LRPPRC: variants seen among roughly 807,000 people sequenced by gnomAD.
The protein encoded by LRPPRC is leucine-rich PPR motif-containing protein, mitochondrial.
In LRPPRC, 120 loss-of-function variants were observed where a neutral mutation model predicts 180.3. That is an observed-to-expected ratio of 0.67 (90% confidence interval 0.57 to 0.77). LRPPRC has a LOEUF of 0.77. Ranked by LOEUF, LRPPRC falls within the 30% of genes least tolerant of loss-of-function variation. The pLI, the probability that LRPPRC is intolerant of heterozygous loss-of-function variation, is 0.00. For synonymous variants in LRPPRC, 723 were observed against 600.0 expected, an observed-to-expected ratio of 1.21 and a Z score of -3.00; for missense variants, 2,012 against 1,657.2, an observed-to-expected ratio of 1.21 and a Z score of -3.72.
chr2:43,909,172 A>G (rs1218661990), intron 30 of LRPPRC, among the ~76,000 whole-genome samples: 1 of 152,244 alleles, frequency 6.6e-6, no homozygotes, highest in African/African-American at 2.4e-5. Context: ...TTTTCAGTCC[A>G]GCATTATTTT....
intron 34 of LRPPRC, among the ~76,000 whole-genome samples, chr2:43,898,383 T>C (rs1173944319): frequency 6.6e-6 from 1 of 152,196 alleles, no homozygotes; most frequent in East Asian, 1.9e-4. Context: ...GGGAATATAA[T>C]ACTATTTACG....
chr2:43,898,836 C>T lies in LRPPRC; in HGVS notation c.3825+383G>A, dbSNP rs1246894257. Among the ~76,000 whole-genome samples the T allele has an allele frequency of 4.6e-5, 7 of 152,108 alleles. No individual in the cohort carries two copies. In the South Asian group the frequency reaches 6.2e-4, roughly 14 times the overall value. ...TTTGCAAACTGTGTTGCCATGGTGA[C>T]GCACAGTATCTAGCGCATTTGAGAA... On this transcript the variant is annotated intron_variant, in intron 34 of 37. Coordinates refer to ENST00000260665, the MANE Select transcript of LRPPRC (RefSeq NM_133259.4).
In LRPPRC at chr2:43,918,332, G is replaced by C; in HGVS notation, c.2963C>G (p.Pro988Arg). Residue 988 changes from proline to arginine, a missense_variant, in exon 28 of 38, where the codon CCT becomes CGT. Physicochemically the swap from Pro to Arg is moderately radical, Grantham distance 103 (BLOSUM62 -2). Coordinates refer to ENST00000260665, the MANE Select transcript of LRPPRC (RefSeq NM_133259.4). ...WNKIQEENVI[P>R]REKTLRLLAE... is the part of the protein sequence containing the mutation. ...TAATAATCTTAATGTCTTTTCACGA[G>C]GAATAACATTTTCTTCTTGGATTTT... 6.2e-7 allele frequency: 1 copy of C among 1,609,572 alleles called. No homozygotes were observed. The highest frequency in any genetic ancestry group is 8.5e-7 in the Non-Finnish European group (1 of 1,176,008).
Position 43,963,818 on chromosome 2 carries a change from G to A in LRPPRC, c.1370-112C>T, listed in dbSNP as rs1009229936. Reference sequence around the variant, plus strand: ...AATCACAGTATAAGAAAATTACTCAGCAATTCGTTTGTCTAAAAGGCAGAA... The same window carrying A: ...AATCACAGTATAAGAAAATTACTCAACAATTCGTTTGTCTAAAAGGCAGAA... On this transcript the variant is annotated intron_variant, in intron 11 of 37. Transcript: ENST00000260665. 9 of 766,134 alleles carry A rather than the reference G, an allele frequency of 1.2e-5. 1 individual carries two copies. Among genetic ancestry groups the A allele is most frequent in the Middle Eastern group, 6.8e-4 (2 of 2,932 alleles). 47.5% of individuals were successfully genotyped at this position (766,134 alleles called of 1,614,324 possible).
At chr2:43,918,786 TATATAGATATATATATATATATAG>T (rs1671575306) in intron 27 of LRPPRC, among the ~76,000 whole-genome samples, 1 of 34,532 alleles carries the variant, frequency 2.9e-5, no homozygotes, top group Admixed American at 4.1e-4. Flanking sequence ...AATATATATA[TATATAGATATATATATATATATAG>T]ATATATATAT....
intron 34 of LRPPRC, among the ~76,000 whole-genome samples, chr2:43,897,004 AAG>A (rs1050520521): frequency 6.6e-6 from 1 of 152,236 alleles, no homozygotes; most frequent in Non-Finnish European, 1.5e-5. Context: ...ACTGCAAAGA[AAG>A]AGGAAAAAAA....
chr2:43,974,894 G>C, intron 7 of LRPPRC, 136 bp from the exon 8 acceptor site: 1 of 995,724 alleles, frequency 1.0e-6, no homozygotes, highest in Admixed American at 2.1e-5. Context: ...TAAAAAACAG[G>C]AAATACTCTA....
At chr2:43,995,009 G>C (rs1674961695) in intron 1 of LRPPRC, among the ~76,000 whole-genome samples, 1 of 152,222 alleles carries the variant, frequency 6.6e-6, no homozygotes. Flanking sequence ...GGGAGGCCGA[G>C]GCAGGAGGAT....
At chr2:43,918,688 T>A (rs1321306508) in intron 27 of LRPPRC, among the ~76,000 whole-genome samples, 1 of 151,542 alleles carries the variant, frequency 6.6e-6, no homozygotes, top group Non-Finnish European at 1.5e-5. Flanking sequence ...GTCTTTTTAA[T>A]GTTACTGAGA....
In LRPPRC at chr2:43,974,806, T is replaced by G. The variant is rs1363486314; in HGVS notation, c.865-48A>C. ...GAAGACAAAGTTAGAGTGTTTTTATTTAAGTATTAAAGCTAAATAAAATAT... is the reference window on the plus strand; with the variant it reads ...GAAGACAAAGTTAGAGTGTTTTTATGTAAGTATTAAAGCTAAATAAAATAT... On this transcript the variant is annotated intron_variant, in intron 7 of 37. Transcript: ENST00000260665. 7.0e-6 allele frequency: 11 copies of G among 1,563,524 alleles called. No homozygotes were observed. The African/African-American group carries it at 1.1e-4, about 15-fold the overall frequency.
chr2:43,926,872 A>C (rs530237249), intron 25 of LRPPRC, among the ~76,000 whole-genome samples: 2 of 152,248 alleles, frequency 1.3e-5, no homozygotes, highest in Non-Finnish European at 2.9e-5. Context: ...CTAGCACCTA[A>C]AACTAAATGT....
rs1672853895 is a variant in LRPPRC, at chr2:43,950,400, A to T, written c.1677+173T>A. ...CTCCCATTGGATTCTTATCAATTGG[A>T]TTCACAAACACTAAAAGACACACAT... On this transcript the variant is annotated intron_variant, in intron 15 of 37. Coordinates refer to ENST00000260665, the MANE Select transcript of LRPPRC (RefSeq NM_133259.4). Among the ~76,000 whole-genome samples the T allele has an allele frequency of 2.0e-5, 3 of 152,130 alleles. No homozygotes were observed. The South Asian group carries it at 6.2e-4, about 32-fold the overall frequency.
intron 3 of LRPPRC, among the ~76,000 whole-genome samples, chr2:43,978,660 T>A (rs1047338205): frequency 6.6e-6 from 1 of 152,102 alleles, no homozygotes; most frequent in African/African-American, 2.4e-5. Context: ...AACATTTATC[T>A]ATATAGTTTT....
intron 14 of LRPPRC, among the ~76,000 whole-genome samples, chr2:43,955,040 C>T (rs112691739): frequency 9.5e-4 from 144 of 152,158 alleles, no homozygotes; most frequent in African/African-American, 3.0e-3. Context: ...TTCCACGATA[C>T]GGGTTTTTAT....
At chr2:43,975,352 G>A (rs1674007054) in intron 6 of LRPPRC, 135 bp from the exon 7 acceptor site, 3 of 685,418 alleles carry the variant, frequency 4.4e-6, no homozygotes, top group Non-Finnish European at 7.6e-6. Context: ...AAGAACTAAT[G>A]TATATTAAAC....
chr2:43,977,894 G>C (rs915685566), intron 3 of LRPPRC, among the ~76,000 whole-genome samples: 2 of 152,166 alleles, frequency 1.3e-5, no homozygotes, highest in African/African-American at 4.8e-5. Context: ...TCAATTTTGT[G>C]GTAACATGTC....
intron 2 of LRPPRC, among the ~76,000 whole-genome samples, chr2:43,980,777 T>C (rs1385482917): frequency 6.6e-6 from 1 of 152,170 alleles, no homozygotes; most frequent in Non-Finnish European, 1.5e-5. Flanking sequence ...TCCATTTATA[T>C]GAAATATCTA....
chr2:43,985,152 A>T (rs1674474927), intron 1 of LRPPRC, among the ~76,000 whole-genome samples: 1 of 151,974 alleles, frequency 6.6e-6, no homozygotes, highest in African/African-American at 2.4e-5. Flanking sequence ...CATTTTTTTA[A>T]AAAATAAACA....
At chr2:43,915,224 TCTCTCTCTCACACACACACA>T (rs1219995641) in intron 29 of LRPPRC, among the ~76,000 whole-genome samples, 4 of 99,590 alleles carry the variant, frequency 4.0e-5, no homozygotes, top group African/African-American at 1.9e-4. Flanking sequence ...TCTCTCTCTC[TCTCTCTCTCACACACACACA>T]CACACACACA....
Sources: gnomAD v4.1 joint callset for allele counts (sites outside exome capture counted in the v4.1 genomes callset) on GRCh38, gnomAD v4.1.1 for gene constraint, MANE v1.5 for transcripts, NCBI Gene and HGNC (gene_info 2026-07-23, HGNC 2026-07-21) for gene names.